Variants in CSMD3 observed in about 807,000 individuals in gnomAD.
CSMD3 encodes the protein CUB and sushi domain-containing protein 3.
In CSMD3, 177 loss-of-function variants were observed where a neutral mutation model predicts 435.2. The ratio of observed to expected loss-of-function variants is 0.41; its 90% CI spans 0.36 to 0.46. The LOEUF (loss-of-function observed/expected upper bound fraction) is 0.46, where lower values mean the gene tolerates loss of function less well. Among genes scored for constraint, CSMD3 ranks in the 20% least tolerant of loss-of-function variants. CSMD3 has a pLI of 0.34. For synonymous variants in CSMD3, 1,656 were observed against 1,520.5 expected, an observed-to-expected ratio of 1.09 and a Z score of -2.07; for missense variants, 4,265 against 4,504.6, an observed-to-expected ratio of 0.95 and a Z score of 1.52.
chr8:112,924,257 A>G (rs182732567), intron 9 of CSMD3, among the ~76,000 whole-genome samples: 2 of 152,258 alleles, frequency 1.3e-5, no homozygotes, highest in Non-Finnish European at 1.5e-5. Flanking sequence ...TTAGTTAACA[A>G]GCTGTCACGG....
In CSMD3 at chr8:112,867,359, A is replaced by G. The variant is rs76655110; in HGVS notation, c.1634-8093T>C. 5.4e-3 allele frequency among the ~76,000 whole-genome samples: 817 copies of G among 152,252 alleles called. 7 individuals are homozygous for G. Among genetic ancestry groups the G allele is most frequent in the African/African-American group, 0.019 (785 of 41,572 alleles). Reference sequence around the variant, plus strand: ...TCATTCCCCTCAAATAGCCAAAACAATCTTGAGAAAGAACAGAGTTGGGGG... The same window carrying G: ...TCATTCCCCTCAAATAGCCAAAACAGTCTTGAGAAAGAACAGAGTTGGGGG... On this transcript the variant is annotated intron_variant, in intron 10 of 70. Transcript: ENST00000297405.
intron 59 of CSMD3, among the ~76,000 whole-genome samples, chr8:112,273,277 A>T (rs570476160): frequency 7.4e-6 from 1 of 134,270 alleles, no homozygotes; most frequent in Admixed American, 7.1e-5. Context: ...ATTGTTATTC[A>T]TTGTAAAAAA....
chr8:112,713,322 C>G (rs2131930492), intron 13 of CSMD3, among the ~76,000 whole-genome samples: 1 of 151,554 alleles, frequency 6.6e-6, no homozygotes, highest in African/African-American at 2.4e-5. Context: ...GCGTGAAGAC[C>G]ATCTTGCTGA....
chr8:112,954,627 G>T, intron 8 of CSMD3, 57 bp downstream of exon 8: 1 of 1,069,740 alleles, frequency 9.3e-7, no homozygotes, highest in South Asian at 1.3e-5. Context: ...AAACAACACA[G>T]ACACCACAAA....
At chr8:113,324,487 G>A (rs770465222) in intron 1 of CSMD3, among the ~76,000 whole-genome samples, 6 of 152,158 alleles carry the variant, frequency 3.9e-5, no homozygotes, top group Non-Finnish European at 5.9e-5. Flanking sequence ...CAGCTTCCAT[G>A]TGGTGTTGAG....
intron 2 of CSMD3, among the ~76,000 whole-genome samples, chr8:113,287,162 G>A (rs1279323159): frequency 6.6e-6 from 1 of 151,906 alleles, no homozygotes; most frequent in Non-Finnish European, 1.5e-5. Flanking sequence ...TACTGCTAAT[G>A]CTAAGATATA....
rs367599400 is a variant in CSMD3, at chr8:112,503,970, T to C, written c.4903A>G (p.Ile1635Val). The stretch of plus-strand genomic sequence containing the variant: ...TAGAGGAAGTCATAGTTTGGTTCTA[T>C]GCTAAAACTGAAAAAAAAAAGGAAA... Reference protein sequence around the residue: ...VISLAFISFSIEPNYDFLYIY... With the variant: ...VISLAFISFSVEPNYDFLYIY... Residue 1635 changes from isoleucine to valine, a missense_variant, in exon 30 of 71, where the codon ATA becomes GTA. This residue lies in a region of CSMD3 where 3,255 missense variants were observed against 3,380.2 expected (regional missense o/e 0.96). Transcript: ENST00000297405. 49 of 1,591,748 alleles carry C rather than the reference T, an allele frequency of 3.1e-5. No individual in the cohort carries two copies. In the Middle Eastern group the frequency reaches 2.8e-3, roughly 92 times the overall value.
chr8:112,627,206 G>A (rs1467650001), intron 22 of CSMD3, among the ~76,000 whole-genome samples: 1 of 152,056 alleles, frequency 6.6e-6, no homozygotes, highest in Non-Finnish European at 1.5e-5. Context: ...TTGCTTTAAA[G>A]CACTACTTTG....
chr8:112,552,406 A>G (rs551800709), intron 26 of CSMD3, among the ~76,000 whole-genome samples, 188 bp downstream of exon 26: 78 of 152,106 alleles, frequency 5.1e-4, no homozygotes, highest in East Asian at 4.3e-3. Flanking sequence ...AGATCATTTG[A>G]GCCTATGAGG....
At chr8:112,791,383 G>A (rs1390129652) in intron 13 of CSMD3, among the ~76,000 whole-genome samples, 2 of 149,634 alleles carry the variant, frequency 1.3e-5, no homozygotes, top group Non-Finnish European at 3.0e-5. Context: ...TCTCCAGCCT[G>A]TTGCTAATCT....
intron 13 of CSMD3, among the ~76,000 whole-genome samples, chr8:112,724,412 A>C (rs779157976): frequency 7.9e-5 from 12 of 152,038 alleles, no homozygotes; most frequent in Non-Finnish European, 1.5e-4. Context: ...CATGTTTTCA[A>C]AGTGAAGCCA....
At chr8:113,009,096 TA>T (rs1236873425) in intron 6 of CSMD3, among the ~76,000 whole-genome samples, 1 of 151,908 alleles carries the variant, frequency 6.6e-6, no homozygotes, top group African/African-American at 2.4e-5. Context: ...CAAGAAAAAT[TA>T]AATATTTATA....
intron 27 of CSMD3, among the ~76,000 whole-genome samples, chr8:112,547,357 T>C (rs527294136): frequency 6.6e-6 from 1 of 151,940 alleles, no homozygotes; most frequent in East Asian, 1.9e-4. Flanking sequence ...ATTACCAGCC[T>C]GGCCGACGTA....
chr8:113,018,315 T>C (rs1484365649), intron 6 of CSMD3, among the ~76,000 whole-genome samples: 1 of 151,854 alleles, frequency 6.6e-6, no homozygotes, highest in Admixed American at 6.6e-5. Flanking sequence ...TCATATTAAA[T>C]TTTCGAAGTG....
chr8:113,297,442 A>C (rs1317546862), intron 2 of CSMD3, among the ~76,000 whole-genome samples: 1 of 149,694 alleles, frequency 6.7e-6, no homozygotes, highest in African/African-American at 2.6e-5. Flanking sequence ...TGAAATATGA[A>C]AAATTTACCT....
intron 13 of CSMD3, among the ~76,000 whole-genome samples, chr8:112,711,534 A>G (rs1052208300): frequency 2.0e-5 from 3 of 152,046 alleles, no homozygotes; most frequent in African/African-American, 4.8e-5. Context: ...ATCTTTTTTT[A>G]TTTTCATGAA....
chr8:112,947,898 GA>G (rs750183977), intron 8 of CSMD3, 21 bp from the exon 9 acceptor site: 15 of 1,021,724 alleles, frequency 1.5e-5, no homozygotes, highest in Non-Finnish European at 2.3e-5. Context: ...AGGGAAAAAA[GA>G]AAAAAGAAAC....
chr8:113,390,773 A>G (rs1462028359), intron 1 of CSMD3, among the ~76,000 whole-genome samples: 2 of 151,972 alleles, frequency 1.3e-5, no homozygotes, highest in South Asian at 2.1e-4. Context: ...TAGGCACTGT[A>G]TTTTGGCATT....
At chr8:112,479,081 G>A (rs1819368137) in intron 31 of CSMD3, among the ~76,000 whole-genome samples, 1 of 152,130 alleles carries the variant, frequency 6.6e-6, no homozygotes, top group African/African-American at 2.4e-5. Flanking sequence ...CTTGGGTTCA[G>A]TACAAGAGCT....
Sources: allele counts gnomAD v4.1 joint callset (sites outside exome capture counted in the v4.1 genomes callset), GRCh38; gene constraint gnomAD v4.1.1; regional missense constraint gnomAD v4.1.1; transcripts MANE v1.5; gene names NCBI Gene and HGNC (gene_info 2026-07-23, HGNC 2026-07-21).